IL17RD: variants seen among roughly 807,000 people sequenced by gnomAD.
The protein encoded by IL17RD is interleukin-17 receptor D.
Under a neutral mutation model 80.5 loss-of-function variants are expected in IL17RD, and 52 were observed. The ratio of observed to expected loss-of-function variants is 0.65; its 90% CI spans 0.52 to 0.81. IL17RD has a LOEUF of 0.81. IL17RD is among the 40% of genes least tolerant of loss of function. The pLI, the probability that IL17RD is intolerant of heterozygous loss-of-function variation, is 0.00. For synonymous variants in IL17RD, 416 were observed against 391.8 expected (o/e 1.06, Z -0.73); for missense variants, 1,024 against 955.1 (o/e 1.07, Z -0.95).
chr3:57,157,694 T>C (rs1463380932), intron 1 of IL17RD, among the ~76,000 whole-genome samples: 1 of 152,132 alleles, frequency 6.6e-6, no homozygotes, highest in Non-Finnish European at 1.5e-5. Context: ...TTTCCTCAGA[T>C]AAAAGGGGGC....
At position 57,098,053 on chromosome 3, in the gene IL17RD, G is replaced by T; in HGVS notation, c.1650C>A (p.His550Gln). Residue 550 changes from histidine to glutamine, a missense_variant, in exon 12 of 13, where the codon CAC becomes CAA. Coordinates refer to ENST00000296318, the MANE Select transcript of IL17RD (RefSeq NM_017563.5). ...AGTCGGGCTCCTCGTCAATAAACTG[G>T]TGCATGTTGCAAATGGCGACGTATA... ...RSLYVAICNM[H>Q]QFIDEEPDWF... 1 of 1,614,000 alleles carries T rather than the reference G, an allele frequency of 6.2e-7. No individual in the cohort carries two copies. Among genetic ancestry groups the T allele is most frequent in the Non-Finnish European group, 8.5e-7 (1 of 1,179,898 alleles).
chr3:57,134,750 G>A (rs1229683506), intron 1 of IL17RD: 10 of 554,172 alleles, frequency 1.8e-5, no homozygotes, highest in Non-Finnish European at 3.3e-5. Context: ...TGTACATACT[G>A]GCCTCAGCGA....
At chr3:57,125,833 CGAG>C (rs1196169696) in intron 1 of IL17RD, among the ~76,000 whole-genome samples, 1 of 152,154 alleles carries the variant, frequency 6.6e-6, no homozygotes, top group East Asian at 1.9e-4. Flanking sequence ...AAGACAGAGT[CGAG>C]GAGGACAGCC....
chr3:57,134,809 T>C, intron 1 of IL17RD: 1 of 393,146 alleles, frequency 2.5e-6, no homozygotes, highest in South Asian at 2.4e-5. Context: ...CTGCCATAAA[T>C]AAATAAATAA....
intron 1 of IL17RD, among the ~76,000 whole-genome samples, chr3:57,160,467 C>A (rs1197476913): frequency 6.6e-6 from 1 of 152,084 alleles, no homozygotes; most frequent in African/African-American, 2.4e-5. Flanking sequence ...CAGACAAACC[C>A]AGCTGTTCTA....
At chr3:57,120,373 GC>G in intron 1 of IL17RD, 60 bp from the exon 2 acceptor site, 2 of 1,223,120 alleles carry the variant, frequency 1.6e-6, no homozygotes, top group Non-Finnish European at 2.4e-6. Flanking sequence ...CCAACACAAA[GC>G]CCCATGGAGT....
At chr3:57,165,709 T>C (rs543834131), upstream of IL17RD, among the ~76,000 whole-genome samples, 17 of 152,330 alleles carry the variant, frequency 1.1e-4, no homozygotes, top group African/African-American at 4.1e-4. Context: ...CCAGACCCCT[T>C]TCTGTATACG....
intron 1 of IL17RD, among the ~76,000 whole-genome samples, chr3:57,145,338 T>A (rs539408673): frequency 6.6e-6 from 1 of 152,224 alleles, no homozygotes; most frequent in Non-Finnish European, 1.5e-5. Context: ...CACCGGGTCT[T>A]TGGCCATGTG....
At chr3:57,140,133 A>AC (rs771966249) in intron 1 of IL17RD, among the ~76,000 whole-genome samples, 19 of 152,214 alleles carry the variant, frequency 1.2e-4, no homozygotes, top group Non-Finnish European at 2.8e-4. Context: ...ATTCTGCCAG[A>AC]CAGCCCTCTA....
chr3:57,120,405 T>C (rs576461758), intron 1 of IL17RD, 92 bp from the exon 2 acceptor site: 27 of 868,888 alleles, frequency 3.1e-5, no homozygotes, highest in Admixed American at 2.5e-4. Flanking sequence ...GCAGCACTGC[T>C]GAGACCCAGG....
intron 4 of IL17RD, 36 bp downstream of exon 4, chr3:57,110,157 C>A (rs1469679360): frequency 1.9e-6 from 3 of 1,559,614 alleles, no homozygotes; most frequent in African/African-American, 1.4e-5. Flanking sequence ...GGAACAATGG[C>A]ATGTCTTCAG....
chr3:57,163,478 T>C (rs1271680865), intron 1 of IL17RD, among the ~76,000 whole-genome samples: 1 of 152,034 alleles, frequency 6.6e-6, no homozygotes, highest in Non-Finnish European at 1.5e-5. Context: ...TTTTGTACAG[T>C]GGCATAAGAA....
intron 1 of IL17RD, among the ~76,000 whole-genome samples, chr3:57,149,659 G>A (rs1449224373): frequency 6.6e-6 from 1 of 152,164 alleles, no homozygotes; most frequent in Admixed American, 6.5e-5. Flanking sequence ...CAGGTACTCA[G>A]TAGCCAAAAG....
At position 57,095,057 on chromosome 3, in the gene IL17RD, G is replaced by T; in HGVS notation, c.*1336C>A. 1 of 152,606 alleles carries T rather than the reference G, an allele frequency of 6.6e-6. No individual in the cohort carries two copies. Among genetic ancestry groups the T allele is most frequent in the Admixed American group, 6.5e-5 (1 of 15,296 alleles). 9.5% of individuals were successfully genotyped at this position (152,606 alleles called of 1,614,324 possible). On this transcript the variant is annotated 3_prime_UTR_variant, in exon 13 of 13. Coordinates refer to ENST00000296318, the MANE Select transcript of IL17RD (RefSeq NM_017563.5). ...CCATCCCACCTCCCACCTTGCCTCA[G>T]GATGTTTCTCAACATACCCCTTCAT...
intron 1 of IL17RD, chr3:57,134,246 C>A: frequency 1.5e-6 from 1 of 687,760 alleles, no homozygotes; most frequent in Non-Finnish European, 2.8e-6. Context: ...ATGCCAACTT[C>A]CATCAGCAGA....
intron 1 of IL17RD, among the ~76,000 whole-genome samples, chr3:57,156,759 A>G (rs1474003264): frequency 2.6e-5 from 4 of 152,004 alleles, no homozygotes; most frequent in Non-Finnish European, 4.4e-5. Flanking sequence ...TCTAGTACCT[A>G]TATCTTCAAC....
chr3:57,115,871 A>G (rs1273901645), intron 2 of IL17RD, among the ~76,000 whole-genome samples: 2 of 152,158 alleles, frequency 1.3e-5, no homozygotes, highest in African/African-American at 4.8e-5. Context: ...AAAGCATTCC[A>G]GGGGACTTTG....
intron 1 of IL17RD, among the ~76,000 whole-genome samples, chr3:57,120,884 G>GA (rs986942289): frequency 7.2e-5 from 11 of 152,022 alleles, no homozygotes; most frequent in Non-Finnish European, 1.3e-4. Flanking sequence ...AAAAGAAAAA[G>GA]AAAAAAGACT....
upstream of IL17RD, chr3:57,169,501 C>A: frequency 4.7e-6 from 1 of 211,266 alleles, no homozygotes; most frequent in South Asian, 5.7e-5. Context: ...ATCCTTAACG[C>A]AAGGATTGGA....
Sources: allele counts gnomAD v4.1 joint callset (sites outside exome capture counted in the v4.1 genomes callset), GRCh38; gene constraint gnomAD v4.1.1; transcripts MANE v1.5; gene names NCBI Gene and HGNC (gene_info 2026-07-23, HGNC 2026-07-21).